SLC35F4: variants seen among roughly 807,000 people sequenced by gnomAD.
SLC35F4 encodes the protein solute carrier family 35 member F4.
In SLC35F4, 24 loss-of-function variants were observed where a neutral mutation model predicts 44.2. The ratio of observed to expected loss-of-function variants is 0.54; its 90% CI spans 0.39 to 0.76. SLC35F4 has a LOEUF of 0.76. Ranked by LOEUF, SLC35F4 falls within the 30% of genes least tolerant of loss-of-function variation. The pLI, the probability that SLC35F4 is intolerant of heterozygous loss-of-function variation, is 0.00. For synonymous variants in SLC35F4, 238 were observed against 223.6 expected, an observed-to-expected ratio of 1.06 and a Z score of -0.57; for missense variants, 562 against 586.1, an observed-to-expected ratio of 0.96 and a Z score of 0.42.
chr14:57,933,144 C>T (rs1420961906), intron 1 of SLC35F4, among the ~76,000 whole-genome samples: 1 of 151,778 alleles, frequency 6.6e-6, no homozygotes, highest in Admixed American at 6.6e-5. Context: ...GCCTCAGCCT[C>T]CCTAGTAGCT....
At chr14:57,826,088 G>T (rs149682832) in intron 1 of SLC35F4, among the ~76,000 whole-genome samples, 2 of 152,132 alleles carry the variant, frequency 1.3e-5, no homozygotes, top group Non-Finnish European at 2.9e-5. Flanking sequence ...AAAGCTGGAG[G>T]CATCATGCTA....
intron 4 of SLC35F4, among the ~76,000 whole-genome samples, chr14:57,577,499 T>TAA (rs1318877341): frequency 6.6e-6 from 1 of 151,622 alleles, no homozygotes; most frequent in East Asian, 1.9e-4. Flanking sequence ...TTGGAAAATA[T>TAA]AAGAAAAATT....
intron 1 of SLC35F4, among the ~76,000 whole-genome samples, chr14:57,716,836 A>G (rs1486904372): frequency 6.6e-6 from 1 of 152,152 alleles, no homozygotes; most frequent in African/African-American, 2.4e-5. Context: ...TCTCCTATCT[A>G]GCTAAAATTT....
chr14:57,906,934 CCA>C lies in SLC35F4; in HGVS notation n.282+74977_282+74978del, dbSNP rs370708071. Among the ~76,000 whole-genome samples, 57 of 152,316 alleles carry C rather than the reference CCA, an allele frequency of 3.7e-4. 1 individual carries two copies. Among genetic ancestry groups the C allele is most frequent in the African/African-American group, 1.2e-3 (49 of 41,560 alleles). On this transcript the variant is annotated intron_variant and non_coding_transcript_variant, in intron 1 of 1. Coordinates refer to the SLC35F4 transcript ENST00000556568. ...GATACAACAGGATCCAGCCCAAAAGCCACAGTGTCTCTTTGACCTTCCCTTTG... is the reference window on the plus strand; with the variant it reads ...GATACAACAGGATCCAGCCCAAAAGCCAGTGTCTCTTTGACCTTCCCTTTG...
rs553006094 is a variant in SLC35F4 at position 57,827,089 on chromosome 14, C to T, written c.103+38634G>A. On this transcript the variant is annotated intron_variant, in intron 1 of 7. Transcript: ENST00000556826. ...TTCATTGCAGCACTATTCACAATAG[C>T]AAAGACATGGAATCAACCCAAATGC... Among the ~76,000 whole-genome samples the T allele has an allele frequency of 4.4e-4, 67 of 151,854 alleles. 1 individual carries two copies. The Middle Eastern group carries it at 0.014, about 31-fold the overall frequency.
At chr14:57,951,927 A>G (rs10151892) in intron 1 of SLC35F4, among the ~76,000 whole-genome samples, 76,404 of 152,056 alleles carry the variant, frequency 0.5, 20,366 homozygotes, top group East Asian at 0.81. Context: ...CACAGCACTC[A>G]TGCTCTGCTA....
At chr14:57,896,644 G>T (rs1165521793) in intron 1 of SLC35F4, among the ~76,000 whole-genome samples, 2 of 152,140 alleles carry the variant, frequency 1.3e-5, no homozygotes, top group Admixed American at 6.5e-5. Flanking sequence ...TGGTGGGCTG[G>T]CCTAAGGTTG....
At chr14:57,716,961 AAT>A (rs1043249190) in intron 1 of SLC35F4, among the ~76,000 whole-genome samples, 1 of 152,166 alleles carries the variant, frequency 6.6e-6, no homozygotes, top group Non-Finnish European at 1.5e-5. Context: ...TATGAGTGAG[AAT>A]ATGTGATATT....
chr14:57,825,850 A>G (rs993109434), intron 1 of SLC35F4, among the ~76,000 whole-genome samples: 9 of 152,198 alleles, frequency 5.9e-5, no homozygotes, highest in African/African-American at 1.7e-4. Flanking sequence ...ACCTACCACC[A>G]CTCAAAGAAA....
At chr14:57,745,438 C>G (rs762642212) in intron 1 of SLC35F4, among the ~76,000 whole-genome samples, 1 of 152,208 alleles carries the variant, frequency 6.6e-6, no homozygotes, top group Non-Finnish European at 1.5e-5. Flanking sequence ...TGAACAGACA[C>G]TTTTCAAAAG....
At chr14:57,591,036 A>T (rs910237377) in intron 2 of SLC35F4, among the ~76,000 whole-genome samples, 1 of 152,260 alleles carries the variant, frequency 6.6e-6, no homozygotes, top group African/African-American at 2.4e-5. Flanking sequence ...AGCAACCACT[A>T]CATGACTTGT....
chr14:57,851,024 T>C (rs1276691542), intron 1 of SLC35F4, among the ~76,000 whole-genome samples: 1 of 152,204 alleles, frequency 6.6e-6, no homozygotes, highest in Non-Finnish European at 1.5e-5. Flanking sequence ...TCTAATTTCA[T>C]TTGCTATCTC....
At chr14:57,953,593 G>C (rs1890182316) in intron 1 of SLC35F4, among the ~76,000 whole-genome samples, 1 of 152,094 alleles carries the variant, frequency 6.6e-6, no homozygotes. Context: ...TATTTATGAA[G>C]CAAATGGAAA....
chr14:57,797,086 C>A (rs925783899), intron 1 of SLC35F4, among the ~76,000 whole-genome samples: 2 of 152,184 alleles, frequency 1.3e-5, no homozygotes, highest in African/African-American at 4.8e-5. Context: ...CACACAAAAT[C>A]TTTTGCTATA....
At chr14:57,630,163 G>C (rs2072695227) in intron 1 of SLC35F4, 5 of 558,522 alleles carry the variant, frequency 9.0e-6, no homozygotes, top group Non-Finnish European at 1.8e-5. Flanking sequence ...TTTGCCTAGG[G>C]GGATCAGAAG....
chr14:57,972,551 A>G (rs1480505507), downstream of SLC35F4, among the ~76,000 whole-genome samples: 4 of 152,214 alleles, frequency 2.6e-5, no homozygotes, highest in Non-Finnish European at 4.4e-5. Flanking sequence ...GTGGAAAAAA[A>G]AAAAACCTTA....
chr14:57,917,512 CT>C (rs1224730160), intron 1 of SLC35F4, among the ~76,000 whole-genome samples: 4 of 152,044 alleles, frequency 2.6e-5, no homozygotes, highest in African/African-American at 9.7e-5. Flanking sequence ...TGTTCAGTCT[CT>C]TCTTTTTTGC....
chr14:57,918,387 C>A (rs1329866800), intron 1 of SLC35F4, among the ~76,000 whole-genome samples: 1 of 152,206 alleles, frequency 6.6e-6, no homozygotes, highest in African/African-American at 2.4e-5. Flanking sequence ...CTCTCTGTAT[C>A]TGCCTATCTT....
intron 1 of SLC35F4, among the ~76,000 whole-genome samples, chr14:57,742,946 T>C (rs900842140): frequency 6.6e-6 from 1 of 152,098 alleles, no homozygotes; most frequent in Non-Finnish European, 1.5e-5. Flanking sequence ...CTATATGGAA[T>C]GTGAACAACC....
Sources: allele counts gnomAD v4.1 joint callset (sites outside exome capture counted in the v4.1 genomes callset), GRCh38; gene constraint gnomAD v4.1.1; transcripts MANE v1.5; gene names NCBI Gene and HGNC (gene_info 2026-07-23, HGNC 2026-07-21).